Variants in MINDY1 observed in about 807,000 individuals in gnomAD.
MINDY1 encodes ubiquitin carboxyl-terminal hydrolase MINDY-1.
Under a neutral mutation model 53.6 loss-of-function variants are expected in MINDY1, and 50 were observed. The observed-to-expected ratio is 0.93, with a 90% CI of 0.74 to 1.18. The LOEUF (loss-of-function observed/expected upper bound fraction) is 1.18, where lower values mean the gene tolerates loss of function less well. MINDY1 is among the 50% of genes most tolerant of loss of function. MINDY1 has a pLI of 0.00. For missense variants in MINDY1, 484 were observed against 578.6 expected (o/e 0.84, Z 1.68); for synonymous variants, 231 against 234.7 (o/e 0.98, Z 0.14).
chr1:150,997,907 C>G, intron 8 of MINDY1, 128 bp from the exon 9 acceptor site: 1 of 1,177,814 alleles, frequency 8.5e-7, no homozygotes, highest in Non-Finnish European at 1.2e-6. Flanking sequence ...GCAGCACACA[C>G]AGCCAAATGC....
At chr1:151,005,939 A>G (rs1315894174) in intron 1 of MINDY1, among the ~76,000 whole-genome samples, 2 of 152,208 alleles carry the variant, frequency 1.3e-5, no homozygotes, top group Non-Finnish European at 2.9e-5. Context: ...TAAAACAGGT[A>G]TGTAGCTTCA....
chr1:150,998,277 C>T lies in MINDY1; in HGVS notation c.982-4G>A. 4 of 1,609,050 alleles carry T rather than the reference C, an allele frequency of 2.5e-6. No homozygotes were observed. The highest frequency in any genetic ancestry group is 3.4e-6 in the Non-Finnish European group (4 of 1,178,040). On this transcript the variant is annotated splice_polypyrimidine_tract_variant and splice_region_variant and intron_variant, in intron 7 of 9. Transcript: ENST00000683666. ...TGACCAGTAGGTATAAGTGACTCTA[C>T]AAAGAAAAGAACAGAGCTCATTGGG... is the stretch of plus-strand genomic sequence containing the variant.
Position 150,998,079 on chromosome 1 carries a change from C to T in MINDY1, c.1173+3G>A. The T allele has an allele frequency of 6.2e-7, 1 of 1,608,286 alleles. No homozygotes were observed. The highest frequency in any genetic ancestry group is 8.5e-7 in the Non-Finnish European group (1 of 1,178,280). ...CTGCACTTTTCCTAAGTGCCCTACACACCTGGTCTACCTGCAGCTGCGTTT... is the reference window on the plus strand; with the variant it reads ...CTGCACTTTTCCTAAGTGCCCTACATACCTGGTCTACCTGCAGCTGCGTTT... On this transcript the variant is annotated splice_donor_region_variant and intron_variant, in intron 8 of 9. Coordinates refer to ENST00000683666, the MANE Select transcript of MINDY1 (RefSeq NM_001376665.1).
At chr1:151,007,869 C>A (rs779372461), upstream of MINDY1, among the ~76,000 whole-genome samples, 2 of 152,000 alleles carry the variant, frequency 1.3e-5, no homozygotes, top group African/African-American at 4.8e-5. Flanking sequence ...GCAATTGGAA[C>A]AATTAGGGTG....
chr1:151,002,628 G>T lies in MINDY1; in HGVS notation c.-11C>A, dbSNP rs751923296. ...CTGATGGTATTCCATGGTCAAAAGG[G>T]ACTTGGCTGAGGGGCACTGAAGGTG... is the stretch of plus-strand genomic sequence containing the variant. On this transcript the variant is annotated 5_prime_UTR_variant, in exon 2 of 10. Coordinates refer to ENST00000683666, the MANE Select transcript of MINDY1 (RefSeq NM_001376665.1). The surrounding 1 kb of genome is among the most constrained non-coding windows in gnomAD (Gnocchi z 4.1). 1.3e-5 allele frequency: 21 copies of T among 1,613,938 alleles called. No homozygotes were observed. The highest frequency in any genetic ancestry group is 1.7e-5 in the Admixed American group (1 of 59,998).
At chr1:151,005,403 G>C (rs587621663) in intron 1 of MINDY1, among the ~76,000 whole-genome samples, 13 of 147,956 alleles carry the variant, frequency 8.8e-5, no homozygotes. Context: ...AGTAAGCCAA[G>C]ATTGTGCCTC....
intron 4 of MINDY1, 100 bp from the exon 5 acceptor site, chr1:151,000,715 C>A: frequency 7.5e-7 from 1 of 1,331,434 alleles, no homozygotes; most frequent in East Asian, 2.4e-5. Flanking sequence ...CTCTTCTTCC[C>A]TGATTCTCTT....
chr1:151,002,875 C>T lies in MINDY1; in HGVS notation c.-89-169G>A. The T allele has an allele frequency of 7.1e-7, 1 of 1,417,744 alleles. No individual in the cohort carries two copies. Among genetic ancestry groups the T allele is most frequent in the Non-Finnish European group, 9.2e-7 (1 of 1,089,562 alleles). The allele number at this position is 1,417,744 out of a possible 1,614,324, so 87.8% of individuals were successfully genotyped here. ...CGTGCTGAGCTCTTTCCACCTCTAA[C>T]TTGCTGTGACCAGATGAGACCAAGA... On this transcript the variant is annotated intron_variant, in intron 1 of 9. Coordinates refer to ENST00000683666, the MANE Select transcript of MINDY1 (RefSeq NM_001376665.1). The surrounding 1 kb of genome is among the most constrained non-coding windows in gnomAD (Gnocchi z 4.1).
At position 151,002,575 on chromosome 1, in the gene MINDY1, C is replaced by T. The variant is rs979691570; in HGVS notation, c.43G>A (p.Gly15Arg). 27 of 1,614,164 alleles carry T rather than the reference C, an allele frequency of 1.7e-5. No individual in the cohort carries two copies. The highest frequency in any genetic ancestry group is 4.5e-5 in the East Asian group (2 of 44,884). ...QPEDPAPGKA[G>R]TAEAVIPENH... Reference sequence around the variant, plus strand: ...TCAGGGATGACTGCTTCTGCAGTCCCGGCCTTACCAGGGGCTGGATCCTCA... The same window carrying T: ...TCAGGGATGACTGCTTCTGCAGTCCTGGCCTTACCAGGGGCTGGATCCTCA... The change falls in exon 2 of 10, where the codon GGG (glycine) becomes AGG (arginine). Residue 15 changes from glycine to arginine, a missense_variant. Physicochemically the swap from Gly to Arg is moderately radical, Grantham distance 125. Transcript: ENST00000683666. This position sits in a 1 kb window ranked among gnomAD's most constrained non-coding sequence, Gnocchi z 4.1.
chr1:150,997,085 C>T lies in MINDY1; in HGVS notation c.*202G>A, dbSNP rs2102815897. The stretch of plus-strand genomic sequence containing the variant: ...CAGAAACCCACCAATCCTAGTGTTG[C>T]CCTGGATGGGAGGCAGAGAAGGCAG... On this transcript the variant is annotated 3_prime_UTR_variant, in exon 10 of 10. Transcript: ENST00000683666. 1.6e-6 allele frequency: 1 copy of T among 611,900 alleles called. No individual in the cohort carries two copies. The allele number at this position is 611,900 out of a possible 1,614,324, so 37.9% of individuals were successfully genotyped here.
chr1:151,006,255 G>C, intron 1 of MINDY1, 57 bp downstream of exon 1: 2 of 1,495,896 alleles, frequency 1.3e-6, no homozygotes, highest in South Asian at 1.3e-5. Context: ...AAGCTGGAGA[G>C]GAAATAGAGA....
At chr1:150,998,490 G>C (rs1672124865) in intron 7 of MINDY1, among the ~76,000 whole-genome samples, 1 of 152,176 alleles carries the variant, frequency 6.6e-6, no homozygotes, top group Admixed American at 6.5e-5. Flanking sequence ...AAGTAGCTGG[G>C]ACTACAGGCA....
chr1:151,004,446 G>A (rs1672920016), intron 1 of MINDY1, among the ~76,000 whole-genome samples: 1 of 152,086 alleles, frequency 6.6e-6, no homozygotes, highest in Non-Finnish European at 1.5e-5. Flanking sequence ...AAACTAGTTA[G>A]GGGCCAGGCG....
chr1:151,000,556 C>T lies in MINDY1; in HGVS notation c.636G>A (p.Val212=). ...PKLATGLDVN[V]RFTGVSDFEY... ...CAAAATCAGAGACGCCTGTGAATCG[C>T]ACATTGACATCCAGACCTGTGGCCA... Residue 212 remains valine (V), a synonymous_variant, in exon 5 of 10, where the codon GTG becomes GTA. Coordinates refer to ENST00000683666, the MANE Select transcript of MINDY1 (RefSeq NM_001376665.1). 1.9e-6 allele frequency: 3 copies of T among 1,614,120 alleles called. No homozygotes were observed. The highest frequency in any genetic ancestry group is 2.2e-5 in the East Asian group (1 of 44,868).
At position 150,998,255 on chromosome 1, in the gene MINDY1, C is replaced by T; in HGVS notation, c.1000G>A (p.Val334Ile). ...TCCTGTAGAAAGCCCTGGTCAGTGACCAGTAGGTATAAGTGACTCTACAAA... is the reference window on the plus strand; with the variant it reads ...TCCTGTAGAAAGCCCTGGTCAGTGATCAGTAGGTATAAGTGACTCTACAAA... ...TKHKSHLYLL[V>I]TDQGFLQEEQ... is the part of the protein sequence containing the mutation. The change falls in exon 8 of 10, where the codon GTC (valine) becomes ATC (isoleucine). Residue 334 changes from valine to isoleucine, a missense_variant. Transcript: ENST00000683666. The T allele has an allele frequency of 6.2e-7, 1 of 1,613,802 alleles. No homozygotes were observed. Among genetic ancestry groups the T allele is most frequent in the Non-Finnish European group, 8.5e-7 (1 of 1,179,882 alleles).
chr1:151,001,799 T>TG lies in MINDY1; in HGVS notation c.454-18dup. On this transcript the variant is annotated splice_polypyrimidine_tract_variant and intron_variant, in intron 2 of 9. Transcript: ENST00000683666. ...GAGCTTCACCTGGAGGCAGAAGGGG[T>TG]GATCACGTGTGTGCTTTCCTCCAAA... is the stretch of plus-strand genomic sequence containing the variant. 1 of 1,580,122 alleles carries TG rather than the reference T, an allele frequency of 6.3e-7. No individual in the cohort carries two copies. Among genetic ancestry groups the TG allele is most frequent in the Non-Finnish European group, 8.5e-7 (1 of 1,169,926 alleles).
In MINDY1 at chr1:151,002,806, G is replaced by GT; in HGVS notation, c.-89-101dup. The GT allele has an allele frequency of 6.8e-7, 1 of 1,463,010 alleles. No homozygotes were observed. Among genetic ancestry groups the GT allele is most frequent in the Non-Finnish European group, 9.0e-7 (1 of 1,108,438 alleles). The allele number at this position is 1,463,010 out of a possible 1,614,324, so 90.6% of individuals were successfully genotyped here. A position where few individuals can be genotyped will look rare whatever the true frequency, so the allele number is the denominator to read the frequency against. ...TAGAAGGCTGGCTAGTGTTTGTGCA[G>GT]TAACTCCTGGCTATGGGCAGTATAT... On this transcript the variant is annotated intron_variant, in intron 1 of 9. Coordinates refer to ENST00000683666, the MANE Select transcript of MINDY1 (RefSeq NM_001376665.1). The surrounding 1 kb of genome is among the most constrained non-coding windows in gnomAD (Gnocchi z 4.1).
rs1021406385 is a variant in MINDY1 at position 150,999,532 on chromosome 1, G to A, written c.839-21C>T. The A allele has an allele frequency of 5.6e-6, 9 of 1,612,460 alleles. No individual in the cohort carries two copies. The highest frequency in any genetic ancestry group is 3.3e-5 in the South Asian group (3 of 91,030). On this transcript the variant is annotated intron_variant, in intron 6 of 9. Transcript: ENST00000683666. This position sits in a 1 kb window ranked among gnomAD's most constrained non-coding sequence, Gnocchi z 4.4. ...CAGGCCTGCCAGAAAGGGACGAGTC[G>A]GGGGAAACTTGGCTTAAATTCAAGG... is the stretch of plus-strand genomic sequence containing the variant.
chr1:151,003,173 AC>A (rs1672770470), intron 1 of MINDY1, among the ~76,000 whole-genome samples: 1 of 152,016 alleles, frequency 6.6e-6, no homozygotes, highest in African/African-American at 2.4e-5. Context: ...CCTACCCCAC[AC>A]CCTGCCCCTT....
Sources: gnomAD v4.1 joint callset for allele counts (sites outside exome capture counted in the v4.1 genomes callset) on GRCh38, gnomAD v4.1.1 for gene constraint, Gnocchi (gnomAD v3.1) non-coding constraint, MANE v1.5 for transcripts, NCBI Gene and HGNC (gene_info 2026-07-23, HGNC 2026-07-21) for gene names.